The following ZNF385B variants were observed in gnomAD, a reference collection of about 807,000 sequenced individuals.
The protein encoded by ZNF385B is zinc finger protein 385B.
A neutral mutation model predicts 39.2 loss-of-function variants in ZNF385B; 23 were observed. The observed-to-expected ratio is 0.59, with a 90% confidence interval of 0.42 to 0.83. The LOEUF is 0.83. ZNF385B is among the 40% of genes least tolerant of loss of function. The probability of loss-of-function intolerance (pLI) is 0.00; values close to 1 mark genes in which losing one functional copy is unlikely to be tolerated. For missense variants in ZNF385B, 552 were observed against 598.9 expected (o/e 0.92, Z 0.82); for synonymous variants, 205 against 222.6 (o/e 0.92, Z 0.70).
At chr2:179,826,701 G>GA (rs199699119) in intron 1 of ZNF385B, among the ~76,000 whole-genome samples, 2 of 151,616 alleles carry the variant, frequency 1.3e-5, no homozygotes, top group African/African-American at 2.4e-5. Context: ...AAATTATTCA[G>GA]AAAAAAAATT....
At chr2:179,771,884 T>C (rs1223150182) in intron 1 of ZNF385B, among the ~76,000 whole-genome samples, 1 of 152,204 alleles carries the variant, frequency 6.6e-6, no homozygotes, top group Non-Finnish European at 1.5e-5. Flanking sequence ...ACGTTTAACC[T>C]TGCAGAACGA....
intron 6 of ZNF385B, among the ~76,000 whole-genome samples, chr2:179,478,664 A>ACTT (rs1360557339): frequency 9.2e-5 from 14 of 152,222 alleles, no homozygotes; most frequent in African/African-American, 3.4e-4. Context: ...AGCTTTACAT[A>ACTT]CTTTAAACTA....
chr2:179,624,374 C>T (rs1690478135), intron 3 of ZNF385B, among the ~76,000 whole-genome samples: 1 of 152,126 alleles, frequency 6.6e-6, no homozygotes, highest in South Asian at 2.1e-4. Context: ...AGAAGTGATT[C>T]TTCTACCTCT....
chr2:179,768,083 G>A (rs1212427758), intron 3 of ZNF385B, among the ~76,000 whole-genome samples: 1 of 151,688 alleles, frequency 6.6e-6, no homozygotes, highest in Non-Finnish European at 1.5e-5. Context: ...CTGAGTAGCT[G>A]GGATTACAGG....
intron 3 of ZNF385B, among the ~76,000 whole-genome samples, chr2:179,676,448 T>A (rs898256001): frequency 4.0e-5 from 6 of 151,838 alleles, no homozygotes; most frequent in Non-Finnish European, 8.8e-5. Flanking sequence ...ATGGTCTCGA[T>A]CTCCTGACCT....
intron 5 of ZNF385B, among the ~76,000 whole-genome samples, chr2:179,492,666 TATC>T (rs1208595880): frequency 1.3e-5 from 2 of 152,194 alleles, no homozygotes; most frequent in African/African-American, 4.8e-5. Context: ...ATTAGTTATT[TATC>T]ATTACTCATT....
chr2:179,746,020 T>C (rs1302323572), intron 3 of ZNF385B: 3 of 1,117,802 alleles, frequency 2.7e-6, no homozygotes, highest in Admixed American at 5.0e-5. Context: ...TATATCTCCA[T>C]GTGTGCTGAA....
intron 3 of ZNF385B, among the ~76,000 whole-genome samples, chr2:179,554,116 G>T (rs78994047): frequency 0.034 from 5,042 of 149,154 alleles, 333 homozygotes; most frequent in Non-Finnish European, 0.051. Context: ...TCCTCAACCT[G>T]TGCCTGATAC....
At chr2:179,552,417 T>A (rs964777645) in intron 3 of ZNF385B, among the ~76,000 whole-genome samples, 2 of 149,362 alleles carry the variant, frequency 1.3e-5, no homozygotes, top group East Asian at 3.9e-4. Context: ...TTATTATGCA[T>A]GTTCCCATCA....
intron 1 of ZNF385B, among the ~76,000 whole-genome samples, chr2:179,848,039 T>G (rs1177261503): frequency 5.9e-5 from 9 of 151,992 alleles, no homozygotes; most frequent in Non-Finnish European, 1.3e-4. Context: ...AGAGGCAAGG[T>G]CTGGAGCAAG....
intron 3 of ZNF385B, among the ~76,000 whole-genome samples, chr2:179,761,620 G>A (rs762239884): frequency 8.6e-5 from 13 of 150,676 alleles, no homozygotes; most frequent in East Asian, 2.0e-4. Flanking sequence ...ACTCTGTCAC[G>A]CAGTCTGGAG....
chr2:179,575,947 G>C (rs1685762475), intron 3 of ZNF385B, among the ~76,000 whole-genome samples: 1 of 152,106 alleles, frequency 6.6e-6, no homozygotes, highest in Non-Finnish European at 1.5e-5. Flanking sequence ...AAAAGTAAAA[G>C]TTGGAATACA....
intron 3 of ZNF385B, among the ~76,000 whole-genome samples, chr2:179,679,847 T>C (rs1575209861): frequency 2.6e-5 from 4 of 152,320 alleles, no homozygotes. Flanking sequence ...TTCTTATTTA[T>C]GCTTTTGCCT....
chr2:179,606,482 C>T lies in ZNF385B; in HGVS notation c.299-61513G>A, dbSNP rs11903765. On this transcript the variant is annotated intron_variant, in intron 3 of 9. Coordinates refer to ENST00000410066, the MANE Select transcript of ZNF385B (RefSeq NM_152520.6). ...GCTTTCTGACTCTTCACATATTTAT[C>T]CCCTTTTGGTCTAAGGAAAATATTT... 3.0e-3 allele frequency among the ~76,000 whole-genome samples: 454 copies of T among 152,210 alleles called. 1 individual carries two copies. The highest frequency in any genetic ancestry group is 9.4e-3 in the African/African-American group (391 of 41,520).
intron 6 of ZNF385B, among the ~76,000 whole-genome samples, chr2:179,473,541 T>G (rs373170007): frequency 6.6e-6 from 1 of 152,182 alleles, no homozygotes; most frequent in Non-Finnish European, 1.5e-5. Flanking sequence ...AAAAAAATTA[T>G]GCTTTAAGTT....
chr2:179,607,522 C>G (rs150962739), intron 3 of ZNF385B, among the ~76,000 whole-genome samples: 13 of 152,284 alleles, frequency 8.5e-5, no homozygotes, highest in African/African-American at 3.1e-4. Flanking sequence ...AATTAAACCT[C>G]TTTTCTTTAT....
At chr2:179,668,932 A>G (rs1395459839) in intron 3 of ZNF385B, among the ~76,000 whole-genome samples, 2 of 152,226 alleles carry the variant, frequency 1.3e-5, no homozygotes, top group Non-Finnish European at 2.9e-5. Context: ...TGATATAATT[A>G]AAAGGCTAGA....
intron 3 of ZNF385B, among the ~76,000 whole-genome samples, chr2:179,751,655 A>G (rs1575420220): frequency 1.3e-5 from 2 of 152,108 alleles, no homozygotes; most frequent in African/African-American, 4.8e-5. Context: ...TCTTTAAGGG[A>G]GACGGGGAAA....
At chr2:179,561,318 A>C (rs1446510217) in intron 3 of ZNF385B, among the ~76,000 whole-genome samples, 2 of 152,192 alleles carry the variant, frequency 1.3e-5, no homozygotes, top group African/African-American at 4.8e-5. Context: ...TCAGGTATGT[A>C]ATAACTAAAC....
Sources: allele counts gnomAD v4.1 joint callset (sites outside exome capture counted in the v4.1 genomes callset), GRCh38; gene constraint gnomAD v4.1.1; transcripts MANE v1.5; gene names NCBI Gene and HGNC (gene_info 2026-07-23, HGNC 2026-07-21).